Variants in DCUN1D4 observed in about 807,000 individuals in gnomAD.
DCUN1D4 encodes the protein DCN1-like protein 4.
DCUN1D4 carries 22 observed loss-of-function variants against 47.9 expected under a neutral mutation model. The observed-to-expected ratio is 0.46, with a 90% CI of 0.33 to 0.66. The LOEUF is 0.66. DCUN1D4 is among the 30% of genes least tolerant of loss of function. The probability of loss-of-function intolerance (pLI) is 0.02; values close to 1 mark genes in which losing one functional copy is unlikely to be tolerated. For synonymous variants in DCUN1D4, 121 were observed against 112.2 expected, an observed-to-expected ratio of 1.08 and a Z score of -0.50; for missense variants, 301 against 340.8, an observed-to-expected ratio of 0.88 and a Z score of 0.92.
chr4:51,872,016 TG>T (rs1726974192), intron 3 of DCUN1D4, among the ~76,000 whole-genome samples: 1 of 152,040 alleles, frequency 6.6e-6, no homozygotes, highest in Non-Finnish European at 1.5e-5. Context: ...CTCCAATCCT[TG>T]GAAGGAAAGA....
chr4:51,855,684 C>T (rs1724025930), intron 1 of DCUN1D4, among the ~76,000 whole-genome samples: 1 of 152,168 alleles, frequency 6.6e-6, no homozygotes, highest in Non-Finnish European at 1.5e-5. Flanking sequence ...GGTCAGATCA[C>T]GTAGAGCCTT....
chr4:51,861,554 A>G (rs892245591), intron 1 of DCUN1D4, among the ~76,000 whole-genome samples: 3 of 152,174 alleles, frequency 2.0e-5, no homozygotes, highest in Admixed American at 6.5e-5. Flanking sequence ...AGGGTGGTGA[A>G]ATGACAAAAG....
intron 8 of DCUN1D4, among the ~76,000 whole-genome samples, chr4:51,903,518 G>C (rs1437869758): frequency 6.6e-6 from 1 of 152,002 alleles, no homozygotes; most frequent in Non-Finnish European, 1.5e-5. Flanking sequence ...GAGCTTTTTG[G>C]AACTGTGGGT....
chr4:51,843,015 C>T (rs1367187340), upstream of DCUN1D4: 3 of 1,339,184 alleles, frequency 2.2e-6, no homozygotes, highest in East Asian at 9.1e-5. Flanking sequence ...GGGGCGGGGC[C>T]TCGTTGCCAG....
At chr4:51,866,901 A>G (rs759746277) in intron 3 of DCUN1D4, among the ~76,000 whole-genome samples, 3 of 152,074 alleles carry the variant, frequency 2.0e-5, no homozygotes, top group Non-Finnish European at 2.9e-5. Flanking sequence ...CTGCCTGAGT[A>G]TTGCCTGTGT....
intron 7 of DCUN1D4, among the ~76,000 whole-genome samples, chr4:51,895,936 C>T (rs1057258577): frequency 1.3e-5 from 2 of 152,110 alleles, no homozygotes; most frequent in Non-Finnish European, 2.9e-5. Context: ...TGGTGGCTTA[C>T]ATGTCCCAAG....
At position 51,848,145 on chromosome 4, in the gene DCUN1D4, T is replaced by C. The variant is rs765960285; in HGVS notation, c.25+4878T>C. 25 of 1,248,698 alleles carry C rather than the reference T, an allele frequency of 2.0e-5. No homozygotes were observed. In the Admixed American group the frequency reaches 3.5e-4, roughly 17 times the overall value. The allele number at this position is 1,248,698 out of a possible 1,614,324, so 77.4% of individuals were successfully genotyped here. A position where few individuals can be genotyped will look rare whatever the true frequency, so the allele number is the denominator to read the frequency against. On this transcript the variant is annotated intron_variant, in intron 1 of 10. Transcript: ENST00000334635. ...CACAAGCTTTCACCTACTCATTCTTTGCATTTTTTAGACAAAGTCAGTTGT... is the reference window on the plus strand; with the variant it reads ...CACAAGCTTTCACCTACTCATTCTTCGCATTTTTTAGACAAAGTCAGTTGT...
chr4:51,868,946 C>T (rs768251206), intron 3 of DCUN1D4, among the ~76,000 whole-genome samples: 7 of 151,750 alleles, frequency 4.6e-5, no homozygotes, highest in African/African-American at 1.5e-4. Context: ...GGTGAAACCC[C>T]GTCTCTACTA....
intron 8 of DCUN1D4, among the ~76,000 whole-genome samples, chr4:51,907,633 C>G (rs1044167261): frequency 7.2e-5 from 11 of 152,136 alleles, no homozygotes; most frequent in Non-Finnish European, 5.9e-5. Context: ...TGAAAATCTT[C>G]TGGGTTTTAA....
chr4:51,860,753 C>T (rs147541220), intron 1 of DCUN1D4: 157 of 389,730 alleles, frequency 4.0e-4, no homozygotes, highest in African/African-American at 2.6e-3. Context: ...ATGAGGGATC[C>T]GCCCCCATGA....
chr4:51,899,764 G>A (rs1731819091), intron 8 of DCUN1D4, among the ~76,000 whole-genome samples: 1 of 152,012 alleles, frequency 6.6e-6, no homozygotes, highest in African/African-American at 2.4e-5. Flanking sequence ...ATTCACCGTG[G>A]GTGCTATTAT....
At position 51,843,597 on chromosome 4, in the gene DCUN1D4, G is replaced by A. The variant is rs751997338; in HGVS notation, c.25+330G>A. ...AGTGTCCGGGGTGCATGGAGGTGGA[G>A]GCAGCGTTGGGCTGTAGCGGGCAGG... On this transcript the variant is annotated intron_variant, in intron 1 of 10. Coordinates refer to ENST00000334635, the MANE Select transcript of DCUN1D4 (RefSeq NM_001040402.3). The A allele has an allele frequency of 1.0e-5, 13 of 1,262,764 alleles. No individual in the cohort carries two copies. In the African/African-American group the frequency reaches 1.9e-4, roughly 18 times the overall value. The allele number at this position is 1,262,764 out of a possible 1,614,324, so 78.2% of individuals were successfully genotyped here. A position where few individuals can be genotyped will look rare whatever the true frequency, so the allele number is the denominator to read the frequency against.
chr4:51,883,952 TAATC>T (rs904204555), intron 5 of DCUN1D4, among the ~76,000 whole-genome samples: 4 of 149,904 alleles, frequency 2.7e-5, no homozygotes, highest in African/African-American at 4.9e-5. Flanking sequence ...TTTCTTCTGA[TAATC>T]AAGATAAGAA....
At chr4:51,846,439 G>A (rs1722559933) in intron 1 of DCUN1D4, among the ~76,000 whole-genome samples, 1 of 152,042 alleles carries the variant, frequency 6.6e-6, no homozygotes, top group African/African-American at 2.4e-5. Context: ...ACCCCTACTG[G>A]CACTTAATCA....
At chr4:51,839,642 T>G (rs976249601), upstream of DCUN1D4, among the ~76,000 whole-genome samples, 5 of 152,218 alleles carry the variant, frequency 3.3e-5, no homozygotes, top group Admixed American at 2.0e-4. Context: ...AGCCTGACAT[T>G]TTATTACTAA....
At chr4:51,867,538 C>T (rs1038721022) in intron 3 of DCUN1D4, among the ~76,000 whole-genome samples, 1 of 152,142 alleles carries the variant, frequency 6.6e-6, no homozygotes, top group Non-Finnish European at 1.5e-5. Flanking sequence ...GTGGGTAGCT[C>T]TTTTCTGCAG....
intron 8 of DCUN1D4, among the ~76,000 whole-genome samples, chr4:51,900,138 A>ATT (rs1052332821): frequency 6.6e-6 from 1 of 151,280 alleles, no homozygotes; most frequent in South Asian, 2.1e-4. Context: ...TTTTTAAATT[A>ATT]TTTTTTTTTA....
chr4:51,900,122 T>G (rs1731870774), intron 8 of DCUN1D4, among the ~76,000 whole-genome samples: 1 of 152,210 alleles, frequency 6.6e-6, no homozygotes, highest in African/African-American at 2.4e-5. Context: ...CTTGTTTGAT[T>G]GCACTTTTTT....
At chr4:51,835,026 G>A in the DCUN1D4 span, among the ~76,000 whole-genome samples, 5 of 152,312 alleles carry the variant, frequency 3.3e-5, no homozygotes, top group East Asian at 9.6e-4. Flanking sequence ...GAATACAGGA[G>A]ATTTGCCTTG....
Sources: allele counts gnomAD v4.1 joint callset (sites outside exome capture counted in the v4.1 genomes callset), GRCh38; gene constraint gnomAD v4.1.1; transcripts MANE v1.5; gene names NCBI Gene and HGNC (gene_info 2026-07-23, HGNC 2026-07-21).